The following CRMP1 variants were observed in gnomAD, a reference collection of about 807,000 sequenced individuals.
The protein encoded by CRMP1 is dihydropyrimidinase-related protein 1.
In CRMP1, 19 loss-of-function variants were observed where a neutral mutation model predicts 68.3. That is an observed-to-expected ratio of 0.28 (90% confidence interval 0.19 to 0.41). The LOEUF is 0.41. Ranked by LOEUF, CRMP1 falls within the 10% of genes least tolerant of loss-of-function variation. CRMP1 has a pLI of 1.00. For synonymous variants in CRMP1, 439 were observed against 399.6 expected (o/e 1.10, Z -1.18); for missense variants, 791 against 967.4 (o/e 0.82, Z 2.42).
At chr4:5,828,158 C>A in intron 12 of CRMP1, 1 of 985,426 alleles carries the variant, frequency 1.0e-6, no homozygotes, top group Non-Finnish European at 1.2e-6. Context: ...GATCACAGCA[C>A]CTCCCGTGGG....
chr4:5,889,844 G>A lies in CRMP1; in HGVS notation c.381+2745C>T, dbSNP rs1715858599. ...AGGGCAGGAGGCCAGAGACACCTGG[G>A]CCTTAAAATAGAGGTGAGGTTTTAG... On this transcript the variant is annotated intron_variant, in intron 1 of 13. Transcript: ENST00000324989. The surrounding 1 kb of genome is among the most constrained non-coding windows in gnomAD (Gnocchi z 4.5). 6.9e-7 allele frequency: 1 copy of A among 1,458,572 alleles called. No individual in the cohort carries two copies. The highest frequency in any genetic ancestry group is 1.4e-5 in the African/African-American group (1 of 70,578). The allele number at this position is 1,458,572 out of a possible 1,614,324, so 90.4% of individuals were successfully genotyped here.
intron 2 of CRMP1, among the ~76,000 whole-genome samples, chr4:5,862,312 C>T (rs1560509395): frequency 6.8e-6 from 1 of 147,748 alleles, no homozygotes; most frequent in Non-Finnish European, 1.5e-5. Context: ...ATAACCAATC[C>T]CTTACCCCCA....
chr4:5,825,599 C>G lies in CRMP1; in HGVS notation c.1864G>C (p.Ala622Pro), dbSNP rs375021309. 6.9e-6 allele frequency: 11 copies of G among 1,602,848 alleles called. No homozygotes were observed. The highest frequency in any genetic ancestry group is 1.7e-4 in the Middle Eastern group (1 of 6,040). ...GCGGGAGTTGCATATTTGGGTGTAG[C>G]TGGTACCTCGTACACAGGACCGTCA... ...MYDGPVYEVP[A>P]TPKYATPAPS... The change falls in exon 13 of 14, where the codon GCT becomes CCT. Residue 622 changes from alanine (A) to proline (P), a missense_variant. Ala to Pro is a conservative substitution (Grantham distance 27, BLOSUM62 -1). This residue lies in a region of CRMP1 where 594 missense variants were observed against 763.6 expected (regional missense o/e 0.78). Coordinates refer to ENST00000324989, the MANE Select transcript of CRMP1 (RefSeq NM_001014809.3). The surrounding 1 kb of genome is among the most constrained non-coding windows in gnomAD (Gnocchi z 4.4).
In CRMP1 at chr4:5,892,629, G is replaced by C. The variant is rs1204738703; in HGVS notation, c.341C>G (p.Pro114Arg). Residue 114 changes from proline to arginine, a missense_variant, in exon 1 of 14, where the codon CCC (proline) becomes CGC (arginine). Transcript: ENST00000324989. The surrounding 1 kb of genome is among the most constrained non-coding windows in gnomAD (Gnocchi z 8.6). ...ERPPTLRIRR[P>R]APRDLPLGRD... is the part of the protein sequence containing the mutation. ...GCCGAGGGGCAGGTCGCGGGGCGCGGGGCGGCGGATGCGCAGCGTCGGCGG... is the reference window on the plus strand; with the variant it reads ...GCCGAGGGGCAGGTCGCGGGGCGCGCGGCGGCGGATGCGCAGCGTCGGCGG... 8.4e-7 allele frequency: 1 copy of C among 1,192,660 alleles called. No individual in the cohort carries two copies. The highest frequency in any genetic ancestry group is 1.6e-5 in the African/African-American group (1 of 62,530). 73.9% of individuals were successfully genotyped at this position (1,192,660 alleles called of 1,614,324 possible).
rs1006024408 is a variant in CRMP1 at position 5,866,604 on chromosome 4, TC to T, written c.470+63del. Reference sequence around the variant, plus strand: ...CTAGGACAGAATGCCAGCCTTCTGTTCCATCTAAGGCCAGGCAGCCTGGCGA... The same window carrying T: ...CTAGGACAGAATGCCAGCCTTCTGTTCATCTAAGGCCAGGCAGCCTGGCGA... On this transcript the variant is annotated intron_variant, in intron 2 of 13. Transcript: ENST00000324989. The surrounding 1 kb of genome is among the most constrained non-coding windows in gnomAD (Gnocchi z 5.9). 48 of 1,207,798 alleles carry T rather than the reference TC, an allele frequency of 4.0e-5. No homozygotes were observed. The highest frequency in any genetic ancestry group is 5.8e-5 in the Non-Finnish European group (48 of 822,810). The allele number at this position is 1,207,798 out of a possible 1,614,324, so 74.8% of individuals were successfully genotyped here.
At chr4:5,874,990 G>C (rs1360642224) in intron 1 of CRMP1, among the ~76,000 whole-genome samples, 4 of 152,220 alleles carry the variant, frequency 2.6e-5, no homozygotes, top group Non-Finnish European at 5.9e-5. Context: ...TGTCTCATGA[G>C]TCAGAGGAGC....
In CRMP1 at chr4:5,825,178, T is replaced by TCCCCACC; in HGVS notation, c.1969+315_1969+316insGGTGGGG. ...TTGTTCATCCCCACCACTCCATGTT[T>TCCCCACC]ACTTTCATGAGGAAGAGTGTGAAAG... On this transcript the variant is annotated intron_variant, in intron 13 of 13. Transcript: ENST00000324989. This position sits in a 1 kb window ranked among gnomAD's most constrained non-coding sequence, Gnocchi z 4.4. The TCCCCACC allele has an allele frequency of 1.0e-6, 1 of 985,436 alleles. No homozygotes were observed. Among genetic ancestry groups the TCCCCACC allele is most frequent in the Non-Finnish European group, 1.2e-6 (1 of 829,930 alleles). The allele number at this position is 985,436 out of a possible 1,614,324, so 61.0% of individuals were successfully genotyped here. A position where few individuals can be genotyped will look rare whatever the true frequency, so the allele number is the denominator to read the frequency against.
rs1718415679 is a variant in CRMP1 at position 5,820,867 on chromosome 4, A to G, written c.*893T>C. Reference sequence around the variant, plus strand: ...ACAACAAGTTGGTTGTTAAGTAAAAATGGGAGTGATTACAAAGGAAAACTT... The same window carrying G: ...ACAACAAGTTGGTTGTTAAGTAAAAGTGGGAGTGATTACAAAGGAAAACTT... On this transcript the variant is annotated 3_prime_UTR_variant, in exon 14 of 14. Coordinates refer to ENST00000324989, the MANE Select transcript of CRMP1 (RefSeq NM_001014809.3). 6.6e-6 allele frequency: 1 copy of G among 152,228 alleles called. No homozygotes were observed. Among genetic ancestry groups the G allele is most frequent in the South Asian group, 2.1e-4 (1 of 4,834 alleles). 9.4% of individuals were successfully genotyped at this position (152,228 alleles called of 1,614,324 possible). A position where few individuals can be genotyped will look rare whatever the true frequency, so the allele number is the denominator to read the frequency against.
chr4:5,851,957 A>G (rs931787899), intron 4 of CRMP1, among the ~76,000 whole-genome samples: 9 of 142,066 alleles, frequency 6.3e-5, no homozygotes, highest in Admixed American at 2.1e-4. Context: ...AAGGGAGAAG[A>G]AGGAGGAAGA....
At chr4:5,868,090 T>C (rs1158648620) in intron 1 of CRMP1, among the ~76,000 whole-genome samples, 3 of 151,810 alleles carry the variant, frequency 2.0e-5, no homozygotes, top group Non-Finnish European at 4.4e-5. Context: ...CAAACATGTT[T>C]ATGCATAAAC....
rs1453263753 is a variant in CRMP1 at position 5,876,746 on chromosome 4, C to T, written c.382-9990G>A. On this transcript the variant is annotated intron_variant, in intron 1 of 13. Coordinates refer to ENST00000324989, the MANE Select transcript of CRMP1 (RefSeq NM_001014809.3). ...GATCGGTAGGCATATCCCCCCACCA[C>T]CCCCCTTCTGAAAACTGATAGCACG... is the stretch of plus-strand genomic sequence containing the variant. 2.0e-5 allele frequency among the ~76,000 whole-genome samples: 3 copies of T among 150,522 alleles called. No individual in the cohort carries two copies. In the East Asian group the frequency reaches 5.8e-4, roughly 29 times the overall value.
chr4:5,866,901 C>A lies in CRMP1; in HGVS notation c.382-145G>T. 1 of 573,682 alleles carries A rather than the reference C, an allele frequency of 1.7e-6. No homozygotes were observed. Among genetic ancestry groups the A allele is most frequent in the Non-Finnish European group, 3.1e-6 (1 of 325,562 alleles). 35.5% of individuals were successfully genotyped at this position (573,682 alleles called of 1,614,324 possible). The stretch of plus-strand genomic sequence containing the variant: ...CCCGCCCCAGATCCATCACCAGCTT[C>A]AATACTTCTCTATCCAATACTTCCT... On this transcript the variant is annotated intron_variant, in intron 1 of 13. Coordinates refer to ENST00000324989, the MANE Select transcript of CRMP1 (RefSeq NM_001014809.3). The surrounding 1 kb of genome is among the most constrained non-coding windows in gnomAD (Gnocchi z 5.9).
rs1713907439 is a variant in CRMP1 at position 5,865,351 on chromosome 4, A to G, written c.470+1317T>C. Among the ~76,000 whole-genome samples, 1 of 152,054 alleles carries G rather than the reference A, an allele frequency of 6.6e-6. No homozygotes were observed. The highest frequency in any genetic ancestry group is 2.1e-4 in the South Asian group (1 of 4,816). On this transcript the variant is annotated intron_variant, in intron 2 of 13. Coordinates refer to ENST00000324989, the MANE Select transcript of CRMP1 (RefSeq NM_001014809.3). The surrounding 1 kb of genome is among the most constrained non-coding windows in gnomAD (Gnocchi z 4.1). ...AAAATGTTAAGGCCAGCCAGGCGCG[A>G]TGGCTCACACCTGTAATCCCAGCAC... is the stretch of plus-strand genomic sequence containing the variant.
chr4:5,835,934 G>C lies in CRMP1; in HGVS notation c.1604C>G (p.Thr535Arg). ...ACTTACCGACTTGTGACTTTTGGCT[G>C]TTATGGTCTTCAACTTGTCGGGGTC... is the stretch of plus-strand genomic sequence containing the variant. ...IWDPDKLKTI[T>R]AKSHKSAVEY... Residue 535 changes from threonine (T) to arginine (R), a missense_variant, in exon 11 of 14, where the codon ACA becomes AGA. Transcript: ENST00000324989. 1 of 1,562,904 alleles carries C rather than the reference G, an allele frequency of 6.4e-7. No individual in the cohort carries two copies. Among genetic ancestry groups the C allele is most frequent in the Non-Finnish European group, 8.6e-7 (1 of 1,156,802 alleles).
In CRMP1 at chr4:5,843,254, C is replaced by G; in HGVS notation, c.964-93G>C. 1.5e-6 allele frequency: 2 copies of G among 1,333,014 alleles called. No individual in the cohort carries two copies. The highest frequency in any genetic ancestry group is 2.2e-6 in the Non-Finnish European group (2 of 930,112). 82.6% of individuals were successfully genotyped at this position (1,333,014 alleles called of 1,614,324 possible). ...CCCCCTGGTTAGACAGAGGGGGCAG[C>G]TGGGTCCCAAAGAGGCGAGTGGCTT... On this transcript the variant is annotated intron_variant, in intron 6 of 13. Transcript: ENST00000324989. This position sits in a 1 kb window ranked among gnomAD's most constrained non-coding sequence, Gnocchi z 4.1.
At position 5,893,079 on chromosome 4, in the gene CRMP1, G is replaced by C. The variant is rs1328726561; in HGVS notation, c.-110C>G. 1.3e-6 allele frequency: 1 copy of C among 741,948 alleles called. No individual in the cohort carries two copies. Among genetic ancestry groups the C allele is most frequent in the Non-Finnish European group, 1.6e-6 (1 of 609,228 alleles). 46.0% of individuals were successfully genotyped at this position (741,948 alleles called of 1,614,324 possible). A position where few individuals can be genotyped will look rare whatever the true frequency, so the allele number is the denominator to read the frequency against. ...GGTGCGGGCCTGCGGCGGCCCGGGC[G>C]CGACTGCGGCCCAGGGAGGGGAGGG... is the stretch of plus-strand genomic sequence containing the variant. On this transcript the variant is annotated 5_prime_UTR_variant, in exon 1 of 14. Transcript: ENST00000324989.
chr4:5,825,247 T>C lies in CRMP1; in HGVS notation c.1969+247A>G. On this transcript the variant is annotated intron_variant, in intron 13 of 13. Transcript: ENST00000324989. This position sits in a 1 kb window ranked among gnomAD's most constrained non-coding sequence, Gnocchi z 4.4. ...AGGATGAGCACTGGGACAATTTTGG[T>C]ACCTCTCTTTGTAAACCCACATCAG... is the stretch of plus-strand genomic sequence containing the variant. The C allele has an allele frequency of 1.0e-6, 1 of 985,364 alleles. No individual in the cohort carries two copies. The highest frequency in any genetic ancestry group is 1.2e-6 in the Non-Finnish European group (1 of 829,916). 61.0% of individuals were successfully genotyped at this position (985,364 alleles called of 1,614,324 possible). A position where few individuals can be genotyped will look rare whatever the true frequency, so the allele number is the denominator to read the frequency against.
chr4:5,892,905 C>A lies in CRMP1; in HGVS notation c.65G>T (p.Gly22Val). 1 of 1,360,312 alleles carries A rather than the reference C, an allele frequency of 7.4e-7. No homozygotes were observed. Among genetic ancestry groups the A allele is most frequent in the Admixed American group, 3.1e-5 (1 of 31,772 alleles). 84.3% of individuals were successfully genotyped at this position (1,360,312 alleles called of 1,614,324 possible). ...CTGGCGCGGGGTCTGCGCCGCGCTG[C>A]CCGGCCGCGCCAGGTACACGGGCAG... ...DDLPVYLARP[G>V]SAAQTPRQKY... is the part of the protein sequence containing the mutation. The change falls in exon 1 of 14, where the codon GGC becomes GTC. Residue 22 changes from glycine (G) to valine (V), a missense_variant. Gly to Val is a moderately radical substitution (Grantham distance 109). Coordinates refer to ENST00000324989, the MANE Select transcript of CRMP1 (RefSeq NM_001014809.3). The surrounding 1 kb of genome is among the most constrained non-coding windows in gnomAD (Gnocchi z 8.6).
At position 5,888,008 on chromosome 4, in the gene CRMP1, G is replaced by A. The variant is rs1577854835; in HGVS notation, c.381+4581C>T. ...AAGCCCGCGGGGAGAGGGACTCCCG[G>A]CTCCAGCCCCGCCCCGCCATGCGGG... is the stretch of plus-strand genomic sequence containing the variant. On this transcript the variant is annotated intron_variant, in intron 1 of 13. Coordinates refer to ENST00000324989, the MANE Select transcript of CRMP1 (RefSeq NM_001014809.3). This position sits in a 1 kb window ranked among gnomAD's most constrained non-coding sequence, Gnocchi z 6.4. 6.6e-6 allele frequency among the ~76,000 whole-genome samples: 1 copy of A among 151,968 alleles called. No homozygotes were observed. Among genetic ancestry groups the A allele is most frequent in the African/African-American group, 2.4e-5 (1 of 41,404 alleles).
Sources: allele counts gnomAD v4.1 joint callset (sites outside exome capture counted in the v4.1 genomes callset), GRCh38; gene constraint gnomAD v4.1.1; regional missense constraint gnomAD v4.1.1; non-coding constraint Gnocchi (gnomAD v3.1); transcripts MANE v1.5; gene names NCBI Gene and HGNC (gene_info 2026-07-23, HGNC 2026-07-21).